DGLUCY: variants seen among roughly 807,000 people sequenced by gnomAD.
The protein encoded by DGLUCY is D-glutamate cyclase, mitochondrial.
Under a neutral mutation model 58.5 loss-of-function variants are expected in DGLUCY, and 58 were observed. The ratio of observed to expected loss-of-function variants is 0.99; its 90% CI spans 0.80 to 1.23. DGLUCY has a LOEUF of 1.23. DGLUCY is among the 50% of genes most tolerant of loss of function. DGLUCY has a pLI of 0.00. For missense variants in DGLUCY, 779 were observed against 784.7 expected (o/e 0.99, Z 0.09); for synonymous variants, 325 against 314.1 (o/e 1.03, Z -0.37).
chr14:91,136,930 TTA>T (rs2046374352), intron 1 of DGLUCY, among the ~76,000 whole-genome samples: 2 of 151,812 alleles, frequency 1.3e-5, no homozygotes, highest in Admixed American at 6.6e-5. Flanking sequence ...TATTGTGCCA[TTA>T]CACTCTAGCC....
At chr14:91,148,098 A>G (rs867169516) in intron 1 of DGLUCY, among the ~76,000 whole-genome samples, 18 of 152,096 alleles carry the variant, frequency 1.2e-4, no homozygotes, top group African/African-American at 3.9e-4. Context: ...CGCTTGAACT[A>G]AGTAGGTGGA....
chr14:91,167,800 C>T, intron 4 of DGLUCY: 1 of 630,436 alleles, frequency 1.6e-6, no homozygotes, highest in Non-Finnish European at 2.8e-6. Flanking sequence ...CCTACTGATG[C>T]TGGGTCGGTG....
chr14:91,171,561 C>T (rs2048573958), intron 5 of DGLUCY, among the ~76,000 whole-genome samples: 1 of 152,206 alleles, frequency 6.6e-6, no homozygotes, highest in Non-Finnish European at 1.5e-5. Flanking sequence ...CCAGCATGTC[C>T]CCTCTCCTGG....
At chr14:91,079,998 T>A (rs1271280954) in intron 1 of DGLUCY, among the ~76,000 whole-genome samples, 1 of 152,214 alleles carries the variant, frequency 6.6e-6, no homozygotes, top group East Asian at 1.9e-4. Context: ...TATTCCACTT[T>A]CTGTCCTTAT....
intron 3 of DGLUCY, among the ~76,000 whole-genome samples, chr14:91,166,594 G>C (rs964339677): frequency 6.6e-6 from 1 of 152,102 alleles, no homozygotes; most frequent in Admixed American, 6.5e-5. Flanking sequence ...GAACCCAGGA[G>C]GCACAGGTTG....
chr14:91,088,723 G>A (rs1342424722), intron 1 of DGLUCY, among the ~76,000 whole-genome samples: 1 of 152,188 alleles, frequency 6.6e-6, no homozygotes, highest in Non-Finnish European at 1.5e-5. Flanking sequence ...CAGTGCCTTG[G>A]CCTACTGGCC....
upstream of DGLUCY, among the ~76,000 whole-genome samples, chr14:91,107,376 G>A (rs1466954986): frequency 6.6e-6 from 1 of 152,074 alleles, no homozygotes; most frequent in Admixed American, 6.6e-5. Context: ...AAAATTTGCC[G>A]GGGTGGTGGC....
chr14:91,075,072 C>CAAA (rs1163669924), intron 1 of DGLUCY, among the ~76,000 whole-genome samples: 2 of 115,346 alleles, frequency 1.7e-5, no homozygotes, highest in Non-Finnish European at 3.7e-5. Flanking sequence ...AACTCCGTCT[C>CAAA]AAAAAAAAAA....
chr14:91,077,873 AG>A (rs1341154286), intron 1 of DGLUCY, among the ~76,000 whole-genome samples: 2 of 151,326 alleles, frequency 1.3e-5, no homozygotes, highest in Admixed American at 6.6e-5. Flanking sequence ...AAAGGAAGGA[AG>A]GGAAGGAAGG....
chr14:91,067,354 A>G (rs761959586), intron 1 of DGLUCY, among the ~76,000 whole-genome samples: 4 of 152,178 alleles, frequency 2.6e-5, no homozygotes, highest in Non-Finnish European at 4.4e-5. Flanking sequence ...GTAAGCCACT[A>G]GGACTTGATT....
At chr14:91,086,840 A>G (rs1595625178) in intron 1 of DGLUCY, among the ~76,000 whole-genome samples, 1 of 151,992 alleles carries the variant, frequency 6.6e-6, no homozygotes, top group South Asian at 2.1e-4. Flanking sequence ...TGCAACCTCC[A>G]CCTCCGAGGC....
upstream of DGLUCY, among the ~76,000 whole-genome samples, chr14:91,110,399 GGTTT>G (rs2044672889): frequency 6.7e-6 from 1 of 149,434 alleles, no homozygotes; most frequent in African/African-American, 2.5e-5. Context: ...AGCTCTGCTT[GGTTT>G]GTTTTTCTTT....
intron 1 of DGLUCY, among the ~76,000 whole-genome samples, chr14:91,146,748 T>TA (rs1161197816): frequency 6.6e-6 from 1 of 152,194 alleles, no homozygotes; most frequent in African/African-American, 2.4e-5. Context: ...TCTTGAGGCA[T>TA]AACAACAGCT....
intron 9 of DGLUCY, among the ~76,000 whole-genome samples, chr14:91,194,042 T>C (rs61990143): frequency 0.17 from 26,049 of 152,046 alleles, 2,375 homozygotes; most frequent in Middle Eastern, 0.21. Flanking sequence ...GTTCCCTGCC[T>C]TCCTGGACTC....
chr14:91,206,936 A>G (rs1884799680), intron 12 of DGLUCY, among the ~76,000 whole-genome samples: 1 of 152,032 alleles, frequency 6.6e-6, no homozygotes, highest in Non-Finnish European at 1.5e-5. Context: ...AAATTTTAAG[A>G]AAGAATAAAT....
At chr14:91,222,674 C>T (rs891429982) in intron 13 of DGLUCY, among the ~76,000 whole-genome samples, 2 of 152,204 alleles carry the variant, frequency 1.3e-5, no homozygotes, top group African/African-American at 2.4e-5. Context: ...TTCTCTATTA[C>T]TTAGAAAAAG....
chr14:91,187,027 T>G (rs2049564040), intron 8 of DGLUCY, among the ~76,000 whole-genome samples: 2 of 151,136 alleles, frequency 1.3e-5, no homozygotes, highest in South Asian at 4.2e-4. Flanking sequence ...TGAGACAGAG[T>G]CTTGCTCTGT....
At chr14:91,157,944 A>G (rs192988320) in intron 2 of DGLUCY, among the ~76,000 whole-genome samples, 8 of 152,330 alleles carry the variant, frequency 5.3e-5, no homozygotes, top group African/African-American at 1.9e-4. Flanking sequence ...CACAGCTTGC[A>G]CCTGCTGCCC....
At chr14:91,082,087 A>T (rs2044137292) in intron 1 of DGLUCY, among the ~76,000 whole-genome samples, 1 of 152,096 alleles carries the variant, frequency 6.6e-6, no homozygotes, top group African/African-American at 2.4e-5. Flanking sequence ...GGGGATTAGG[A>T]TGTGGACATC....
Sources: allele counts gnomAD v4.1 joint callset (sites outside exome capture counted in the v4.1 genomes callset), GRCh38; gene constraint gnomAD v4.1.1; transcripts MANE v1.5; gene names NCBI Gene and HGNC (gene_info 2026-07-23, HGNC 2026-07-21).